Variants in SEMA4G observed in about 807,000 individuals in gnomAD.
SEMA4G encodes the protein semaphorin-4G.
A neutral mutation model predicts 81.2 loss-of-function variants in SEMA4G; 59 were observed. The observed-to-expected ratio is 0.73, with a 90% CI of 0.59 to 0.90. The LOEUF is 0.90. Ranked by LOEUF, SEMA4G falls within the 40% of genes least tolerant of loss-of-function variation. SEMA4G has a pLI of 0.00. For synonymous variants in SEMA4G, 404 were observed against 433.9 expected, an observed-to-expected ratio of 0.93 and a Z score of 0.86; for missense variants, 952 against 1,102.3, an observed-to-expected ratio of 0.86 and a Z score of 1.93.
At chr10:100,971,458 C>T (rs1021486953), upstream of SEMA4G, among the ~76,000 whole-genome samples, 1 of 152,238 alleles carries the variant, frequency 6.6e-6, no homozygotes, top group Non-Finnish European at 1.5e-5. Flanking sequence ...CCCCTCAGGG[C>T]TCTGCCCCTG....
intron 4 of SEMA4G, chr10:100,978,035 G>A: frequency 1.7e-6 from 1 of 573,938 alleles, no homozygotes; most frequent in Admixed American, 3.1e-5. Flanking sequence ...CACAGGATGG[G>A]CTAGGGGCTC....
At chr10:100,983,966 G>A (rs764345648) in exon 14 of SEMA4G, 1 of 1,604,320 alleles carries the variant, frequency 6.2e-7, no homozygotes, top group African/African-American at 1.4e-5. Context: ...TGGTGGCACT[G>A]CCCAGCCGGC....
chr10:100,972,511 TCCCCG>T, upstream of SEMA4G: 1 of 181,244 alleles, frequency 5.5e-6, no homozygotes, highest in African/African-American at 2.4e-5. Flanking sequence ...GGCTTTTTTT[TCCCCG>T]TTTTTTCTTC....
chr10:100,982,786 C>T lies in SEMA4G; in HGVS notation c.1691-519C>T, dbSNP rs999924544. Among the ~76,000 whole-genome samples the T allele has an allele frequency of 7.9e-5, 12 of 152,044 alleles. No homozygotes were observed. In the East Asian group the frequency reaches 1.9e-3, roughly 24 times the overall value. On this transcript the variant is annotated intron_variant, in intron 13 of 13. Transcript: ENST00000370250. ...CAGCCTAGGCGACAGAATGAGACTC[C>T]GTCTCAAAAAAACAAAACAAAACAA...
exon 14 of SEMA4G, chr10:100,984,582 C>T (rs977649336): frequency 1.3e-6 from 2 of 1,536,082 alleles, no homozygotes; most frequent in African/African-American, 2.7e-5. Context: ...AGACCTCTGC[C>T]AGCCACCTAA....
At chr10:100,984,324 G>A (rs1851311037) in exon 14 of SEMA4G, 2 of 1,440,038 alleles carry the variant, frequency 1.4e-6, no homozygotes, top group Non-Finnish European at 1.8e-6. Flanking sequence ...AGACCCACAT[G>A]TGAGCAGCCC....
chr10:100,977,597 A>AG, intron 3 of SEMA4G, 35 bp from the exon 5 acceptor site: 1 of 1,554,176 alleles, frequency 6.4e-7, no homozygotes, highest in Non-Finnish European at 8.9e-7. Flanking sequence ...CTAGTCAGGC[A>AG]GGGGGCTCAC....
chr10:100,972,965 T>A, exon 1 of SEMA4G: 1 of 1,613,478 alleles, frequency 6.2e-7, no homozygotes, highest in African/African-American at 1.3e-5. Flanking sequence ...GCAACTGCAG[T>A]CCCAGGACCC....
At chr10:100,982,955 A>G (rs1851181358) in intron 13 of SEMA4G, among the ~76,000 whole-genome samples, 1 of 152,220 alleles carries the variant, frequency 6.6e-6, no homozygotes, top group Non-Finnish European at 1.5e-5. Context: ...GAGGTGTCCA[A>G]GAGACCTCAT....
Position 100,973,404 on chromosome 10 carries a change from C to G in SEMA4G, c.273+127C>G, listed in dbSNP as rs994893762. The stretch of plus-strand genomic sequence containing the variant: ...GGTCAGACAGCACTGCCCTTCCCAG[C>G]CCAGGTGTTCCTTGCATTCAGTGTT... On this transcript the variant is annotated intron_variant, in intron 2 of 13. Coordinates refer to ENST00000370250, the Ensembl canonical transcript of SEMA4G. The surrounding 1 kb of genome is among the most constrained non-coding windows in gnomAD (Gnocchi z 5.5). 2.1e-6 allele frequency: 3 copies of G among 1,395,456 alleles called. No homozygotes were observed. The highest frequency in any genetic ancestry group is 4.0e-5 in the Admixed American group (2 of 49,878). 86.4% of individuals were successfully genotyped at this position (1,395,456 alleles called of 1,614,324 possible). A position where few individuals can be genotyped will look rare whatever the true frequency, so the allele number is the denominator to read the frequency against.
At chr10:100,978,100 G>T in intron 4 of SEMA4G, 195 bp from the exon 6 acceptor site, 1 of 589,994 alleles carries the variant, frequency 1.7e-6, no homozygotes, top group South Asian at 2.0e-5. Context: ...TGCAGATTTG[G>T]AACTCCAAAC....
chr10:100,981,065 G>T, intron 12 of SEMA4G, 68 bp downstream of exon 13: 1 of 1,598,702 alleles, frequency 6.3e-7, no homozygotes, highest in Non-Finnish European at 8.6e-7. Context: ...ATAGCTACTG[G>T]GGGAGTGCAG....
intron 8 of SEMA4G, 87 bp from the exon 10 acceptor site, chr10:100,979,761 G>C: frequency 6.6e-7 from 1 of 1,523,588 alleles, no homozygotes; most frequent in Non-Finnish European, 8.9e-7. Flanking sequence ...GTTGGCCAGG[G>C]TAACAGTGAG....
At chr10:100,978,541 A>T (rs202220509) in exon 6 of SEMA4G, 1 of 1,613,898 alleles carries the variant, frequency 6.2e-7, no homozygotes, top group African/African-American at 1.3e-5. Flanking sequence ...AGGCCTCTAC[A>T]CAGCCACTAG....
chr10:100,978,612 TGAG>T (rs1439037196), exon 6 of SEMA4G: 20 of 1,613,906 alleles, frequency 1.2e-5, no homozygotes, highest in Non-Finnish European at 1.6e-5. Context: ...CCCTGAGAAC[TGAG>T]GAGACACCAA....
intron 12 of SEMA4G, 40 bp downstream of exon 13, chr10:100,981,037 G>A: frequency 6.3e-7 from 1 of 1,596,192 alleles, no homozygotes; most frequent in Non-Finnish European, 8.5e-7. Flanking sequence ...TGTGGTCTGA[G>A]TGGAGGAGGA....
chr10:100,970,669 G>A (rs1850603819), upstream of SEMA4G, among the ~76,000 whole-genome samples: 1 of 152,162 alleles, frequency 6.6e-6, no homozygotes, highest in African/African-American at 2.4e-5. Flanking sequence ...TCACCCCAGT[G>A]GACACTGGCA....
At chr10:100,981,450 T>C (rs1405882894) in intron 13 of SEMA4G, 1 of 1,614,172 alleles carries the variant, frequency 6.2e-7, no homozygotes, top group Non-Finnish European at 8.5e-7. Flanking sequence ...AAGTGTCTTG[T>C]CACTTCTGGA....
chr10:100,975,990 T>C (rs1381864420), intron 3 of SEMA4G, among the ~76,000 whole-genome samples: 2 of 151,764 alleles, frequency 1.3e-5, no homozygotes, highest in South Asian at 2.1e-4. Flanking sequence ...TGGATGAAAA[T>C]AGGGTGAGTC....
Sources: gnomAD v4.1 joint callset for allele counts (sites outside exome capture counted in the v4.1 genomes callset) on GRCh38, gnomAD v4.1.1 for gene constraint, Gnocchi (gnomAD v3.1) non-coding constraint, MANE v1.5 for transcripts, NCBI Gene and HGNC (gene_info 2026-07-23, HGNC 2026-07-21) for gene names.